CAMK2B: variants seen among roughly 807,000 people sequenced by gnomAD.
The protein encoded by CAMK2B is calcium/calmodulin dependent protein kinase II beta, also known as calcium/calmodulin-dependent protein kinase type II subunit beta.
CAMK2B carries 27 observed loss-of-function variants against 93.7 expected under a neutral mutation model. The ratio of observed to expected loss-of-function variants is 0.29; its 90% CI spans 0.21 to 0.40. CAMK2B has a LOEUF of 0.40. Ranked by LOEUF, CAMK2B falls within the 10% of genes least tolerant of loss-of-function variation. The pLI is 1.00. For missense variants in CAMK2B, 568 were observed against 895.8 expected (o/e 0.63, Z 4.67); for synonymous variants, 374 against 358.8 (o/e 1.04, Z -0.48).
At chr7:44,295,281 C>T (rs1202289120) in intron 1 of CAMK2B, among the ~76,000 whole-genome samples, 2 of 152,256 alleles carry the variant, frequency 1.3e-5, no homozygotes, top group Admixed American at 6.5e-5. Flanking sequence ...TGGAAGTCAT[C>T]ACTCCTGTCC....
At chr7:44,293,292 G>T (rs1028955002) in intron 1 of CAMK2B, among the ~76,000 whole-genome samples, 2 of 152,182 alleles carry the variant, frequency 1.3e-5, no homozygotes, top group Admixed American at 6.5e-5. Context: ...TCACATTTTT[G>T]ACAATGCTAT....
In CAMK2B at chr7:44,300,014, A is replaced by ATG. The variant is rs1554450898; in HGVS notation, c.66-15791_66-15790dup. The stretch of plus-strand genomic sequence containing the variant: ...TATGTATATATGTATGTATATGTGT[A>ATG]TGTGTCTGTGTGTGTGTGTGTGTGT... On this transcript the variant is annotated intron_variant, in intron 1 of 23. Transcript: ENST00000395749. Among the ~76,000 whole-genome samples, 8 of 125,208 alleles carry ATG rather than the reference A, an allele frequency of 6.4e-5. No homozygotes were observed. The East Asian group carries it at 9.7e-4, about 15-fold the overall frequency. 82.1% of individuals were successfully genotyped at this position (125,208 alleles called of 152,430 possible).
At chr7:44,235,406 C>T (rs1361533723) in intron 13 of CAMK2B, among the ~76,000 whole-genome samples, 1 of 152,258 alleles carries the variant, frequency 6.6e-6, no homozygotes, top group Non-Finnish European at 1.5e-5. Context: ...CCTCACCCAG[C>T]ATTCCCCCTC....
In CAMK2B at chr7:44,325,491, G is replaced by C; in HGVS notation, c.-70C>G. ...GGCGGCGACTCCGGCTCCCGCTCGC[G>C]GGCACGGCGGCGACACGGGCGCGGG... On this transcript the variant is annotated 5_prime_UTR_variant, in exon 1 of 24. Coordinates refer to ENST00000395749, the MANE Select transcript of CAMK2B (RefSeq NM_001220.5). The C allele has an allele frequency of 1.1e-6, 1 of 946,352 alleles. No individual in the cohort carries two copies. The highest frequency in any genetic ancestry group is 1.3e-6 in the Non-Finnish European group (1 of 787,512). 58.6% of individuals were successfully genotyped at this position (946,352 alleles called of 1,614,324 possible).
intron 12 of CAMK2B, among the ~76,000 whole-genome samples, chr7:44,239,910 G>GT (rs1001115380): frequency 1.3e-5 from 2 of 152,170 alleles, no homozygotes; most frequent in African/African-American, 4.8e-5. Flanking sequence ...TGCCCAAAGG[G>GT]TGTGGTGAGC....
At position 44,241,762 on chromosome 7, in the gene CAMK2B, T is replaced by C; in HGVS notation, c.841A>G (p.Met281Val). The change falls in exon 11 of 24, where the codon ATG becomes GTG. Residue 281 changes from methionine to valine, a missense_variant. Physicochemically the swap from Met to Val is conservative, Grantham distance 21. Around this residue, in one of 4 missense-constraint regions of CAMK2B, gnomAD observed 105 missense variants for 372.4 expected, o/e 0.28. Transcript: ENST00000395749. ...WVCQRSTVASMMHRQETVECL... is the reference protein window; with the variant it reads ...WVCQRSTVASVMHRQETVECL... ...TCCACAGTCTCCTGTCTGTGCATCA[T>C]GGATGCTACCGTGGAGCGTTGCTGT... 6.2e-7 allele frequency: 1 copy of C among 1,613,546 alleles called. No individual in the cohort carries two copies. Among genetic ancestry groups the C allele is most frequent in the Non-Finnish European group, 8.5e-7 (1 of 1,179,610 alleles).
At chr7:44,237,560 C>A (rs1584011308) in intron 13 of CAMK2B, among the ~76,000 whole-genome samples, 1 of 152,238 alleles carries the variant, frequency 6.6e-6, no homozygotes, top group African/African-American at 2.4e-5. Flanking sequence ...ATGGGCCCGG[C>A]CCTCCTGAGT....
chr7:44,305,438 G>A (rs988636907), intron 1 of CAMK2B, among the ~76,000 whole-genome samples: 1 of 152,134 alleles, frequency 6.6e-6, no homozygotes, highest in African/African-American at 2.4e-5. Context: ...GAGTTATGAT[G>A]CACCTCTGCA....
At chr7:44,290,517 T>C (rs1018593977) in intron 1 of CAMK2B, among the ~76,000 whole-genome samples, 1 of 152,220 alleles carries the variant, frequency 6.6e-6, no homozygotes, top group African/African-American at 2.4e-5. Flanking sequence ...TGGCCCCAGG[T>C]GGGCTCCATG....
At chr7:44,287,721 C>T (rs1785525621) in intron 1 of CAMK2B, among the ~76,000 whole-genome samples, 1 of 152,238 alleles carries the variant, frequency 6.6e-6, no homozygotes, top group Non-Finnish European at 1.5e-5. Context: ...GGATCTGTAT[C>T]ATAAGCCTGT....
chr7:44,324,360 G>GGAGTTCT (rs1167831818), intron 1 of CAMK2B, among the ~76,000 whole-genome samples: 4 of 152,182 alleles, frequency 2.6e-5, no homozygotes, highest in African/African-American at 9.7e-5. Context: ...TGGAGATTCA[G>GGAGTTCT]GAGTTCTGAA....
At chr7:44,232,754 C>G in intron 16 of CAMK2B, 68 bp downstream of exon 16, 12 of 1,490,988 alleles carry the variant, frequency 8.0e-6, no homozygotes, top group Non-Finnish European at 1.1e-5. Context: ...CAAATGCTGC[C>G]CCAGACCTCT....
intron 1 of CAMK2B, among the ~76,000 whole-genome samples, chr7:44,303,505 A>G (rs1005424728): frequency 3.3e-5 from 5 of 152,222 alleles, no homozygotes; most frequent in African/African-American, 9.6e-5. Context: ...AGATAGAGAA[A>G]GGATAGCCTT....
At chr7:44,267,306 C>G (rs1161950231) in intron 2 of CAMK2B, among the ~76,000 whole-genome samples, 2 of 152,204 alleles carry the variant, frequency 1.3e-5, no homozygotes, top group African/African-American at 4.8e-5. Context: ...CTTGTTACAG[C>G]AGAGTGATGA....
intron 17 of CAMK2B, chr7:44,230,209 G>C (rs1424948637): frequency 6.6e-6 from 1 of 152,364 alleles, no homozygotes; most frequent in Non-Finnish European, 1.5e-5. Flanking sequence ...GGCATCCAGG[G>C]CCCAAAGTCC....
intron 1 of CAMK2B, among the ~76,000 whole-genome samples, chr7:44,316,356 C>A (rs1794835648): frequency 6.6e-6 from 1 of 152,108 alleles, no homozygotes; most frequent in African/African-American, 2.4e-5. Context: ...ATGAACCTTT[C>A]ATTCTTGGGA....
chr7:44,220,933 G>T, intron 20 of CAMK2B, 32 bp from the exon 21 acceptor site: 1 of 1,539,396 alleles, frequency 6.5e-7, no homozygotes, highest in Non-Finnish European at 8.8e-7. Flanking sequence ...TGACCACTGG[G>T]CGCTGGCCCA....
At chr7:44,276,653 C>T (rs546865894) in intron 2 of CAMK2B, among the ~76,000 whole-genome samples, 152 of 152,234 alleles carry the variant, frequency 1.0e-3, no homozygotes, top group Admixed American at 6.4e-3. Flanking sequence ...GGGTGAGCTG[C>T]GCATGGGCCT....
chr7:44,247,086 C>T (rs1408377836), intron 6 of CAMK2B, 34 bp downstream of exon 6: 4 of 1,568,180 alleles, frequency 2.6e-6, no homozygotes, highest in Admixed American at 1.7e-5. Context: ...GTACAGACAA[C>T]AGACACCTGG....
Sources: gnomAD v4.1 joint callset for allele counts (sites outside exome capture counted in the v4.1 genomes callset) on GRCh38, gnomAD v4.1.1 for gene constraint, gnomAD v4.1.1 regional missense constraint, MANE v1.5 for transcripts, NCBI Gene and HGNC (gene_info 2026-07-23, HGNC 2026-07-21) for gene names.